The following TRAM2 variants were observed in gnomAD, a reference collection of about 807,000 sequenced individuals.
TRAM2 encodes translocation associated membrane protein 2, also known as translocating chain-associated membrane protein 2.
A neutral mutation model predicts 51.0 loss-of-function variants in TRAM2; 12 were observed. That is an observed-to-expected ratio of 0.24 (90% CI 0.15 to 0.38). The LOEUF (loss-of-function observed/expected upper bound fraction) is 0.38, where lower values mean the gene tolerates loss of function less well. TRAM2 is among the 10% of genes least tolerant of loss of function. The pLI is 1.00. For missense variants in TRAM2, 361 were observed against 462.0 expected (o/e 0.78, Z 2.00); for synonymous variants, 175 against 179.4 (o/e 0.98, Z 0.20).
chr6:52,552,137 G>A (rs1474077266), intron 1 of TRAM2, among the ~76,000 whole-genome samples: 1 of 152,244 alleles, frequency 6.6e-6, no homozygotes, highest in Non-Finnish European at 1.5e-5. Flanking sequence ...CCTGGCAAGA[G>A]GAGAGGGCAC....
chr6:52,524,994 G>A (rs1260088240), intron 2 of TRAM2: 1 of 152,290 alleles, frequency 6.6e-6, no homozygotes, highest in Non-Finnish European at 1.5e-5. Context: ...AGGAACAGAA[G>A]AGTCACTTGC....
chr6:52,540,617 A>G (rs2268722), intron 1 of TRAM2, among the ~76,000 whole-genome samples: 54,487 of 152,062 alleles, frequency 0.36, 11,572 homozygotes, highest in East Asian at 0.8. Flanking sequence ...TCTTCACTCC[A>G]TGACCCTCTC....
At chr6:52,531,161 G>T (rs1218141007) in intron 2 of TRAM2, among the ~76,000 whole-genome samples, 1 of 145,394 alleles carries the variant, frequency 6.9e-6, no homozygotes, top group East Asian at 2.1e-4. Context: ...CAAGAGTAGA[G>T]TACGATCTAA....
At chr6:52,504,508 A>G in intron 10 of TRAM2, 83 bp downstream of exon 10, 1 of 1,586,220 alleles carries the variant, frequency 6.3e-7, no homozygotes, top group Non-Finnish European at 8.6e-7. Flanking sequence ...GCAGCGCCCA[A>G]GAAGCCAGGT....
At chr6:52,541,255 C>G (rs1235974659) in intron 1 of TRAM2, among the ~76,000 whole-genome samples, 1 of 152,208 alleles carries the variant, frequency 6.6e-6, no homozygotes, top group Non-Finnish European at 1.5e-5. Flanking sequence ...TTAATGTTAT[C>G]GAGTGCTTAT....
chr6:52,518,644 A>G (rs550066369), intron 2 of TRAM2, among the ~76,000 whole-genome samples: 40 of 152,074 alleles, frequency 2.6e-4, no homozygotes, highest in Non-Finnish European at 5.0e-4. Flanking sequence ...AGCCTTGGCC[A>G]CTGAGGACCG....
intron 1 of TRAM2, among the ~76,000 whole-genome samples, chr6:52,555,504 A>G (rs1049751330): frequency 6.6e-6 from 1 of 152,236 alleles, no homozygotes; most frequent in Admixed American, 6.5e-5. Flanking sequence ...CACTGGTGCT[A>G]TTTTGATGAT....
At position 52,502,973 on chromosome 6, in the gene TRAM2, G is replaced by C. The variant is rs1766263826; in HGVS notation, c.*224C>G. 1.7e-6 allele frequency: 1 copy of C among 594,204 alleles called. No individual in the cohort carries two copies. Among genetic ancestry groups the C allele is most frequent in the African/African-American group, 1.9e-5 (1 of 53,780 alleles). The allele number at this position is 594,204 out of a possible 1,614,324, so 36.8% of individuals were successfully genotyped here. A position where few individuals can be genotyped will look rare whatever the true frequency, so the allele number is the denominator to read the frequency against. On this transcript the variant is annotated 3_prime_UTR_variant, in exon 11 of 11. Coordinates refer to ENST00000182527, the MANE Select transcript of TRAM2 (RefSeq NM_012288.4). ...TGAGGACAGGAGGTGGCCTGAGGGG[G>C]AGAAAGAGAAAGATTTTTGGCTTTA...
intron 4 of TRAM2, among the ~76,000 whole-genome samples, chr6:52,514,377 T>C (rs1766505227): frequency 1.3e-5 from 2 of 152,144 alleles, no homozygotes. Flanking sequence ...CAAATGTTGT[T>C]AGGAAGAGTT....
At position 52,504,893 on chromosome 6, in the gene TRAM2, G is replaced by C. The variant is rs886325255; in HGVS notation, c.876-139C>G. The C allele has an allele frequency of 4.1e-5, 28 of 687,452 alleles. 1 individual carries two copies. The highest frequency in any genetic ancestry group is 6.3e-5 in the Non-Finnish European group (26 of 410,598). 42.6% of individuals were successfully genotyped at this position (687,452 alleles called of 1,614,324 possible). On this transcript the variant is annotated intron_variant, in intron 9 of 10. Transcript: ENST00000182527. ...TCCGCCTTCACCACTGGCCCTCTTC[G>C]ATACCACCACTATCACCAGGAAGAA...
chr6:52,514,997 T>C (rs1445376797), intron 4 of TRAM2, among the ~76,000 whole-genome samples: 2 of 152,114 alleles, frequency 1.3e-5, no homozygotes, highest in African/African-American at 4.8e-5. Flanking sequence ...TATGATGAAA[T>C]GATAATAGGA....
intron 2 of TRAM2, among the ~76,000 whole-genome samples, chr6:52,517,825 T>G (rs1053798592): frequency 6.6e-6 from 1 of 152,222 alleles, no homozygotes; most frequent in Non-Finnish European, 1.5e-5. Context: ...AAAGTCAAGC[T>G]GATTGGGTCA....
intron 1 of TRAM2, among the ~76,000 whole-genome samples, chr6:52,542,040 G>A (rs1481990902): frequency 1.3e-5 from 2 of 151,998 alleles, no homozygotes; most frequent in East Asian, 3.9e-4. Context: ...GAGAAACACA[G>A]GGTAAAGCCA....
intron 2 of TRAM2, 91 bp downstream of exon 2, chr6:52,535,692 A>G: frequency 2.3e-6 from 3 of 1,292,980 alleles, no homozygotes; most frequent in Non-Finnish European, 3.3e-6. Context: ...GGGGGAAAAA[A>G]AAAAAATTGT....
At chr6:52,518,958 C>A (rs887692198) in intron 2 of TRAM2, among the ~76,000 whole-genome samples, 1 of 152,198 alleles carries the variant, frequency 6.6e-6, no homozygotes, top group African/African-American at 2.4e-5. Flanking sequence ...TTAGATTATC[C>A]ATTTTAAAGC....
Position 52,515,491 on chromosome 6 carries a change from C to T in TRAM2, c.411+515G>A, listed in dbSNP as rs1256509712. Reference sequence around the variant, plus strand: ...TGAGCTGACAGAGTGAGGCTGGCCTCGTTTATAGAAGGCCAAGGTAGTAAA... The same window carrying T: ...TGAGCTGACAGAGTGAGGCTGGCCTTGTTTATAGAAGGCCAAGGTAGTAAA... On this transcript the variant is annotated intron_variant, in intron 4 of 10. Transcript: ENST00000182527. Among the ~76,000 whole-genome samples, 9 of 152,190 alleles carry T rather than the reference C, an allele frequency of 5.9e-5. No homozygotes were observed. The East Asian group carries it at 1.5e-3, about 26-fold the overall frequency.
At chr6:52,573,028 C>G (rs1421047206) in intron 1 of TRAM2, among the ~76,000 whole-genome samples, 1 of 152,058 alleles carries the variant, frequency 6.6e-6, no homozygotes, top group Non-Finnish European at 1.5e-5. Flanking sequence ...ATGATAGGCT[C>G]AGAATTGTGG....
chr6:52,559,865 T>G (rs1350170551), intron 1 of TRAM2, among the ~76,000 whole-genome samples: 1 of 151,714 alleles, frequency 6.6e-6, no homozygotes, highest in Non-Finnish European at 1.5e-5. Flanking sequence ...TTATCTCAAG[T>G]TTTTTTTTCC....
At chr6:52,554,791 G>A (rs965423926) in intron 1 of TRAM2, among the ~76,000 whole-genome samples, 1 of 143,840 alleles carries the variant, frequency 7.0e-6, no homozygotes, top group Admixed American at 7.1e-5. Context: ...TTTTAACAGA[G>A]GGTCTTGCTC....
Sources: allele counts gnomAD v4.1 joint callset (sites outside exome capture counted in the v4.1 genomes callset), GRCh38; gene constraint gnomAD v4.1.1; transcripts MANE v1.5; gene names NCBI Gene and HGNC (gene_info 2026-07-23, HGNC 2026-07-21).